The following BRCA1 variants were observed in gnomAD, a reference collection of about 807,000 sequenced individuals.
The protein encoded by BRCA1 is breast cancer type 1 susceptibility protein.
In BRCA1, 140 loss-of-function variants were observed where a neutral mutation model predicts 173.7. That is an observed-to-expected ratio of 0.81 (90% CI 0.70 to 0.93). The LOEUF is 0.93. BRCA1 is among the 40% of genes least tolerant of loss of function. BRCA1 has a pLI of 0.00. For missense variants in BRCA1, 1,983 were observed against 2,172.5 expected, an observed-to-expected ratio of 0.91 and a Z score of 1.73; for synonymous variants, 662 against 756.0, an observed-to-expected ratio of 0.88 and a Z score of 2.04.
At chr17:43,069,589 A>G (rs1214217483) in intron 15 of BRCA1, among the ~76,000 whole-genome samples, 5 of 152,234 alleles carry the variant, frequency 3.3e-5, no homozygotes, top group Admixed American at 2.6e-4. Flanking sequence ...CCATTGAAAC[A>G]GACACAGGTA....
rs761925468 is a variant in BRCA1, at chr17:43,071,138, G to C, written c.4776C>G (p.Asn1592Lys). The stretch of plus-strand genomic sequence containing the variant: ...TCAATGCAGAGGTTGAAGATGGTAT[G>C]TTGCCAACACGAGCTGACTCTGGGG... ...DRAPESARVG[N>K]IPSSTSALKV... The change falls in exon 15 of 23, where the codon AAC becomes AAG. Residue 1592 changes from asparagine to lysine, a missense_variant. Transcript: ENST00000357654. 3.1e-6 allele frequency: 5 copies of C among 1,614,204 alleles called. No individual in the cohort carries two copies. The highest frequency in any genetic ancestry group is 3.3e-4 in the Middle Eastern group (2 of 6,062).
In BRCA1 at chr17:43,107,240, T is replaced by A. The variant is rs940000677; in HGVS notation, c.135-707A>T. On this transcript the variant is annotated intron_variant, in intron 3 of 22. Transcript: ENST00000357654. ...GCACCATGCCCGGCTAATTTTTTTA[T>A]TTTTAGTAGAGACGGGGTTTCACCA... Among the ~76,000 whole-genome samples, 5 of 151,356 alleles carry A rather than the reference T, an allele frequency of 3.3e-5. No homozygotes were observed. In the East Asian group the frequency reaches 9.7e-4, roughly 30 times the overall value.
Position 43,144,894 on chromosome 17 carries a change from G to T in BRCA1, c.-19-20779C>A, listed in dbSNP as rs994753047. On this transcript the variant is annotated intron_variant, in intron 1 of 7. Coordinates refer to the BRCA1 transcript ENST00000634433. ...GGCAGCGGCCAGGCAGCCCAGCTTC[G>T]CGAAGGCTGTAGGCACACCGCGGCC... The T allele has an allele frequency of 5.6e-6, 3 of 538,792 alleles. No homozygotes were observed. The African/African-American group carries it at 5.8e-5, about 10-fold the overall frequency. The allele number at this position is 538,792 out of a possible 1,614,324, so 33.4% of individuals were successfully genotyped here. A position where few individuals can be genotyped will look rare whatever the true frequency, so the allele number is the denominator to read the frequency against.
chr17:43,169,440 T>C (rs1295732029), intron 1 of BRCA1, among the ~76,000 whole-genome samples: 1 of 152,200 alleles, frequency 6.6e-6, no homozygotes, highest in Non-Finnish European at 1.5e-5. Context: ...GTGCTAGGAA[T>C]ACAGGCGTAA....
At chr17:43,061,895 C>T (rs1237382170) in intron 18 of BRCA1, among the ~76,000 whole-genome samples, 1 of 152,014 alleles carries the variant, frequency 6.6e-6, no homozygotes, top group Admixed American at 6.6e-5. Flanking sequence ...TATAAAATTA[C>T]TTTCACATTT....
rs1487005137 is a variant in BRCA1, at chr17:43,102,392, C to T, written c.441+1730G>A. Among the ~76,000 whole-genome samples, 19 of 111,084 alleles carry T rather than the reference C, an allele frequency of 1.7e-4. 1 individual carries two copies. Among genetic ancestry groups the T allele is most frequent in the African/African-American group, 6.3e-4 (18 of 28,374 alleles). The allele number at this position is 111,084 out of a possible 152,430, so 72.9% of individuals were successfully genotyped here. A position where few individuals can be genotyped will look rare whatever the true frequency, so the allele number is the denominator to read the frequency against. The stretch of plus-strand genomic sequence containing the variant: ...TTTTTTTTTGAGACGGAGTCTCGCT[C>T]TGTCGCCAGGCTGGAGTGCAGTGGC... On this transcript the variant is annotated intron_variant, in intron 6 of 22. Transcript: ENST00000357654.
At position 43,092,581 on chromosome 17, in the gene BRCA1, A is replaced by G. The variant is rs1597866542; in HGVS notation, c.2950T>C (p.Phe984Leu). ...GTTTTAACAAATGACTTGATGGGAAAAAGTGGTGGTATACGATATGGGTTT... is the reference window on the plus strand; with the variant it reads ...GTTTTAACAAATGACTTGATGGGAAGAAGTGGTGGTATACGATATGGGTTT... ...LQNPYRIPPL[F>L]PIKSFVKTKC... Residue 984 changes from phenylalanine to leucine, a missense_variant, in exon 10 of 23, where the codon TTT becomes CTT. Coordinates refer to ENST00000357654, the MANE Select transcript of BRCA1 (RefSeq NM_007294.4). The G allele has an allele frequency of 1.2e-6, 2 of 1,614,110 alleles. No homozygotes were observed. Among genetic ancestry groups the G allele is most frequent in the South Asian group, 2.2e-5 (2 of 91,072 alleles).
chr17:43,147,941 C>T (rs1337628238), intron 1 of BRCA1, among the ~76,000 whole-genome samples: 1 of 152,188 alleles, frequency 6.6e-6, no homozygotes, highest in East Asian at 1.9e-4. Context: ...TCCCTCCCCA[C>T]CTCTGGAAAG....
At chr17:43,051,857 G>A (rs1415884372) in intron 19 of BRCA1, among the ~76,000 whole-genome samples, 6 of 152,130 alleles carry the variant, frequency 3.9e-5, no homozygotes, top group African/African-American at 1.2e-4. Flanking sequence ...GGCTGGTCTC[G>A]AACTCCTGAC....
rs186771638 is a variant in BRCA1, at chr17:43,152,967, G to A, written c.-20+17159C>T. Among the ~76,000 whole-genome samples the A allele has an allele frequency of 6.8e-4, 104 of 152,138 alleles. No individual in the cohort carries two copies. The Middle Eastern group carries it at 0.014, about 20-fold the overall frequency. On this transcript the variant is annotated intron_variant, in intron 1 of 7. Transcript: ENST00000634433. ...GGAGAATCCCTTGAACCCAGGAGGC[G>A]GAGGTTGCAGTGAGCCGAGATCTTG...
intron 19 of BRCA1, among the ~76,000 whole-genome samples, chr17:43,052,330 G>A (rs937143520): frequency 6.6e-6 from 1 of 151,908 alleles, no homozygotes; most frequent in Non-Finnish European, 1.5e-5. Flanking sequence ...ACTCAGGCTG[G>A]AGTACAGTGG....
intron 1 of BRCA1, chr17:43,166,056 CTCTT>C (rs1321469221): frequency 7.9e-5 from 12 of 151,506 alleles, no homozygotes; most frequent in East Asian, 1.9e-4. Flanking sequence ...GTATCTCTCT[CTCTT>C]TCTCTCTTTC....
chr17:43,138,556 C>G, intron 1 of BRCA1: 2 of 686,202 alleles, frequency 2.9e-6, no homozygotes, highest in Non-Finnish European at 5.4e-6. Flanking sequence ...GGTGCCAGGA[C>G]ACCTCCAAGT....
In BRCA1 at chr17:43,084,326, G is replaced by C. The variant is rs2053145863; in HGVS notation, c.4186-1751C>G. ...ATTACAGGCGTGAGCCACCACACCT[G>C]GCCTAATTTTTGTATTTTTAGTAGA... On this transcript the variant is annotated intron_variant, in intron 11 of 22. Coordinates refer to ENST00000357654, the MANE Select transcript of BRCA1 (RefSeq NM_007294.4). 2.0e-5 allele frequency among the ~76,000 whole-genome samples: 3 copies of C among 152,106 alleles called. No individual in the cohort carries two copies. In the South Asian group the frequency reaches 6.2e-4, roughly 32 times the overall value.
intron 2 of BRCA1, chr17:43,119,018 G>C (rs571747626): frequency 6.5e-5 from 14 of 214,652 alleles, no homozygotes; most frequent in East Asian, 1.4e-4. Flanking sequence ...CATCTGCCTC[G>C]ACCGGGATTA....
chr17:43,157,600 G>C (rs567910113), intron 1 of BRCA1, among the ~76,000 whole-genome samples: 22 of 152,240 alleles, frequency 1.4e-4, no homozygotes, highest in African/African-American at 4.8e-4. Flanking sequence ...GGAGGCTCAG[G>C]CAGGAGAAGC....
chr17:43,117,960 A>G lies in BRCA1; in HGVS notation c.81-2181T>C, dbSNP rs142896455. 7.9e-5 allele frequency among the ~76,000 whole-genome samples: 12 copies of G among 152,298 alleles called. No individual in the cohort carries two copies. The East Asian group carries it at 2.1e-3, about 27-fold the overall frequency. On this transcript the variant is annotated intron_variant, in intron 2 of 22. Transcript: ENST00000357654. ...TAAAGCCTGCTCTCATAGAGCTCAT[A>G]TTCTAGTGTGGTAGACAGTTGATAC...
chr17:43,168,219 C>G (rs1050153930), intron 1 of BRCA1: 8 of 425,432 alleles, frequency 1.9e-5, no homozygotes, highest in Admixed American at 5.9e-5. Flanking sequence ...ACATTTTGTA[C>G]TTCTTCAACG....
At chr17:43,134,969 C>T (rs1036672979) in intron 1 of BRCA1, among the ~76,000 whole-genome samples, 5 of 152,242 alleles carry the variant, frequency 3.3e-5, no homozygotes, top group Non-Finnish European at 5.9e-5. Context: ...GGTCTCCTCA[C>T]GGGATAGATA....
Sources: allele counts gnomAD v4.1 joint callset (sites outside exome capture counted in the v4.1 genomes callset), GRCh38; gene constraint gnomAD v4.1.1; transcripts MANE v1.5; gene names NCBI Gene and HGNC (gene_info 2026-07-23, HGNC 2026-07-21).